Variants in SGCZ observed in about 807,000 individuals in gnomAD.
The protein encoded by SGCZ is zeta-sarcoglycan.
In SGCZ, 40 loss-of-function variants were observed where a neutral mutation model predicts 41.3. The ratio of observed to expected loss-of-function variants is 0.97; its 90% CI spans 0.75 to 1.26. The LOEUF (loss-of-function observed/expected upper bound fraction) is 1.26, where lower values mean the gene tolerates loss of function less well. Ranked by LOEUF, SGCZ falls within the 50% of genes most tolerant of loss-of-function variation. The pLI is 0.00. For missense variants in SGCZ, 552 were observed against 369.8 expected, an observed-to-expected ratio of 1.49 and a Z score of -4.04; for synonymous variants, 206 against 137.5, an observed-to-expected ratio of 1.50 and a Z score of -3.49.
At position 14,097,663 on chromosome 8, in the gene SGCZ, G is replaced by T. The variant is rs532034454; in HGVS notation, c.744+4713C>A. On this transcript the variant is annotated intron_variant, in intron 7 of 7. Transcript: ENST00000382080. ...ATCCTTGTTAATTTTCTGTCTTGTTGATCTGACTAATATTGACAGTGGGGT... is the reference window on the plus strand; with the variant it reads ...ATCCTTGTTAATTTTCTGTCTTGTTTATCTGACTAATATTGACAGTGGGGT... Among the ~76,000 whole-genome samples, 18 of 152,228 alleles carry T rather than the reference G, an allele frequency of 1.2e-4. No homozygotes were observed. In the South Asian group the frequency reaches 3.5e-3, roughly 30 times the overall value.
intron 2 of SGCZ, among the ~76,000 whole-genome samples, chr8:14,472,571 A>T (rs74641376): frequency 0.054 from 8,251 of 152,190 alleles, 725 homozygotes; most frequent in African/African-American, 0.19. Flanking sequence ...ATATCATTAC[A>T]TTATAAGAAA....
chr8:14,885,959 C>A, intron 1 of SGCZ, among the ~76,000 whole-genome samples: 1 of 121,750 alleles, frequency 8.2e-6, no homozygotes, highest in Non-Finnish European at 1.7e-5. Flanking sequence ...TACAGTCTGT[C>A]TTTTTTAATC....
intron 2 of SGCZ, among the ~76,000 whole-genome samples, chr8:14,365,677 A>T (rs1803678352): frequency 6.6e-6 from 1 of 152,162 alleles, no homozygotes; most frequent in South Asian, 2.1e-4. Flanking sequence ...AAGGTTAGAA[A>T]TAATGGATAT....
chr8:14,156,800 A>C (rs57407844), intron 5 of SGCZ, among the ~76,000 whole-genome samples: 31,269 of 152,102 alleles, frequency 0.21, 4,021 homozygotes, highest in East Asian at 0.64. Context: ...ACTGTCTTCC[A>C]GCTCCACATC....
At chr8:15,051,505 T>C (rs1187525088) in intron 1 of SGCZ, among the ~76,000 whole-genome samples, 1 of 152,164 alleles carries the variant, frequency 6.6e-6, no homozygotes, top group African/African-American at 2.4e-5. Flanking sequence ...GACATATGCG[T>C]ATATTTTCCT....
intron 6 of SGCZ, among the ~76,000 whole-genome samples, chr8:14,103,256 A>C (rs751520362): frequency 1.4e-5 from 2 of 145,946 alleles, no homozygotes; most frequent in Non-Finnish European, 3.0e-5. Flanking sequence ...AACTATCTTC[A>C]AATATAACAC....
At chr8:14,676,562 C>T (rs1010557845) in intron 1 of SGCZ, among the ~76,000 whole-genome samples, 1 of 152,108 alleles carries the variant, frequency 6.6e-6, no homozygotes, top group African/African-American at 2.4e-5. Flanking sequence ...TTAACTGCCT[C>T]ACAGGAAAAT....
chr8:14,418,806 G>T (rs1232584124), intron 2 of SGCZ, among the ~76,000 whole-genome samples: 2 of 151,896 alleles, frequency 1.3e-5, no homozygotes, highest in Admixed American at 6.6e-5. Context: ...GAACACTATT[G>T]CTATACATAG....
intron 1 of SGCZ, among the ~76,000 whole-genome samples, chr8:14,759,800 T>G (rs1411154542): frequency 6.6e-6 from 1 of 152,138 alleles, no homozygotes; most frequent in East Asian, 1.9e-4. Flanking sequence ...TATTAGTGAG[T>G]GTCTGTGATG....
intron 2 of SGCZ, among the ~76,000 whole-genome samples, chr8:14,451,187 T>C (rs1800582693): frequency 6.6e-6 from 1 of 152,198 alleles, no homozygotes; most frequent in Non-Finnish European, 1.5e-5. Flanking sequence ...CTGCTAACCG[T>C]AAACCATTTG....
At chr8:14,471,363 TACTAAAGATGCTCATTAAAC>T (rs1176741111) in intron 2 of SGCZ, among the ~76,000 whole-genome samples, 1 of 152,170 alleles carries the variant, frequency 6.6e-6, no homozygotes, top group East Asian at 1.9e-4. Context: ...AGTACTATTG[TACTAAAGATGCTCATTAAAC>T]ACCTGTAATA....
At chr8:14,361,426 A>G (rs981642938) in intron 2 of SGCZ, among the ~76,000 whole-genome samples, 2 of 152,016 alleles carry the variant, frequency 1.3e-5, no homozygotes, top group African/African-American at 4.8e-5. Context: ...TATTTCATTA[A>G]TTTGCTCTTC....
intron 1 of SGCZ, among the ~76,000 whole-genome samples, chr8:15,148,257 G>C (rs549648810): frequency 2.6e-5 from 4 of 152,134 alleles, no homozygotes; most frequent in Non-Finnish European, 5.9e-5. Flanking sequence ...AGTCAATATT[G>C]GGGAAATAGT....
intron 4 of SGCZ, among the ~76,000 whole-genome samples, chr8:14,198,761 T>C (rs548401745): frequency 4.4e-4 from 67 of 152,314 alleles, no homozygotes; most frequent in African/African-American, 1.6e-3. Context: ...ATTTTATGGA[T>C]GTTTATTAGT....
chr8:14,614,550 C>T (rs1345592025), intron 1 of SGCZ, among the ~76,000 whole-genome samples: 6 of 152,134 alleles, frequency 3.9e-5, no homozygotes, highest in Non-Finnish European at 7.4e-5. Flanking sequence ...CTATTTAATA[C>T]TCTCCTTTTG....
intron 2 of SGCZ, among the ~76,000 whole-genome samples, chr8:14,431,802 C>T (rs567564536): frequency 6.6e-6 from 1 of 152,086 alleles, no homozygotes; most frequent in Non-Finnish European, 1.5e-5. Context: ...GGACTAATAT[C>T]CAGAATCTAC....
intron 1 of SGCZ, among the ~76,000 whole-genome samples, chr8:15,058,371 T>G (rs1325319652): frequency 2.0e-5 from 3 of 152,126 alleles, no homozygotes; most frequent in African/African-American, 7.2e-5. Flanking sequence ...ATTCTTACAT[T>G]TAAAGTTTCT....
intron 7 of SGCZ, among the ~76,000 whole-genome samples, chr8:14,097,560 G>A (rs1039752493): frequency 6.6e-6 from 1 of 152,086 alleles, no homozygotes; most frequent in South Asian, 2.1e-4. Context: ...AGAATGTATA[G>A]TCTGTTGATT....
intron 3 of SGCZ, among the ~76,000 whole-genome samples, chr8:14,294,276 A>G (rs2116953491): frequency 6.6e-6 from 1 of 151,978 alleles, no homozygotes; most frequent in East Asian, 1.9e-4. Context: ...TGGGAGAGAG[A>G]AAGGTAGAAA....
Sources: gnomAD v4.1 joint callset for allele counts (sites outside exome capture counted in the v4.1 genomes callset) on GRCh38, gnomAD v4.1.1 for gene constraint, MANE v1.5 for transcripts, NCBI Gene and HGNC (gene_info 2026-07-23, HGNC 2026-07-21) for gene names.